GINS2: variants seen among roughly 807,000 people sequenced by gnomAD.
GINS2 encodes DNA replication complex GINS protein PSF2.
In GINS2, 23 loss-of-function variants were observed where a neutral mutation model predicts 21.2. That is an observed-to-expected ratio of 1.08 (90% CI 0.78 to 1.53). The LOEUF is 1.53. Ranked by LOEUF, GINS2 falls within the 40% of genes most tolerant of loss-of-function variation. The probability of loss-of-function intolerance (pLI) is 0.00; values close to 1 mark genes in which losing one functional copy is unlikely to be tolerated. For missense variants in GINS2, 323 were observed against 233.9 expected (o/e 1.38, Z -2.49); for synonymous variants, 118 against 85.6 (o/e 1.38, Z -2.09).
chr16:85,678,201 C>T lies in GINS2; in HGVS notation c.*11G>A. 1 of 1,612,418 alleles carries T rather than the reference C, an allele frequency of 6.2e-7. No individual in the cohort carries two copies. The highest frequency in any genetic ancestry group is 8.5e-7 in the Non-Finnish European group (1 of 1,179,656). ...ACATCCCCCAGCAAGCCGCCTGCAC[C>T]AGGCCTTTCTCTAGAAGTCCTGAGA... On this transcript the variant is annotated 3_prime_UTR_variant, in exon 5 of 5. Coordinates refer to ENST00000253462, the MANE Select transcript of GINS2 (RefSeq NM_016095.3).
chr16:85,687,152 T>G (rs966650755), intron 2 of GINS2, among the ~76,000 whole-genome samples: 48 of 152,126 alleles, frequency 3.2e-4, no homozygotes, highest in African/African-American at 1.2e-3. Flanking sequence ...ACCCAGGAGG[T>G]GAAGGCTGCA....
chr16:85,684,515 G>A (rs978159891), intron 2 of GINS2, among the ~76,000 whole-genome samples: 2 of 151,934 alleles, frequency 1.3e-5, no homozygotes, highest in Admixed American at 6.6e-5. Context: ...TAAATTTTTT[G>A]TTAAAGCCAA....
At chr16:85,682,652 T>C (rs1252859192) in intron 2 of GINS2, among the ~76,000 whole-genome samples, 1 of 152,074 alleles carries the variant, frequency 6.6e-6, no homozygotes, top group African/African-American at 2.4e-5. Context: ...AGGCATGACA[T>C]CCTAGAGGGG....
intron 2 of GINS2, among the ~76,000 whole-genome samples, chr16:85,684,975 G>C (rs1016248189): frequency 6.6e-6 from 1 of 152,042 alleles, no homozygotes; most frequent in African/African-American, 2.4e-5. Context: ...TTTTAGTAGA[G>C]ACAGGGTTTC....
intron 3 of GINS2, 140 bp from the exon 4 acceptor site, chr16:85,678,806 G>C: frequency 1.2e-6 from 1 of 806,164 alleles, no homozygotes; most frequent in South Asian, 1.7e-5. Flanking sequence ...CAACTTTAGG[G>C]TGTAAAGATT....
intron 3 of GINS2, among the ~76,000 whole-genome samples, chr16:85,680,353 G>A (rs2053721123): frequency 6.6e-6 from 1 of 152,186 alleles, no homozygotes; most frequent in Non-Finnish European, 1.5e-5. Flanking sequence ...CTGCTGCTCT[G>A]CAGCATGCAG....
Position 85,678,588 on chromosome 16 carries a change from G to A in GINS2, c.384C>T (p.Leu128=), listed in dbSNP as rs753987235. The A allele has an allele frequency of 6.2e-7, 1 of 1,613,868 alleles. No individual in the cohort carries two copies. Among genetic ancestry groups the A allele is most frequent in the Non-Finnish European group, 8.5e-7 (1 of 1,179,840 alleles). ...TCACAAAGCTGTCAGCAGACACTCGGAGTTTGGCTATACGAGTGTCCCACA... is the reference window on the plus strand; with the variant it reads ...TCACAAAGCTGTCAGCAGACACTCGAAGTTTGGCTATACGAGTGTCCCACA... The part of the protein sequence containing the change: ...KDMWDTRIAK[L]RVSADSFVRQ... The change falls in exon 4 of 5, where the codon CTC becomes CTT. Residue 128 remains leucine (L), a synonymous_variant. Coordinates refer to ENST00000253462, the MANE Select transcript of GINS2 (RefSeq NM_016095.3).
At position 85,687,488 on chromosome 16, in the gene GINS2, G is replaced by A. The variant is rs1028997532; in HGVS notation, c.177C>T (p.Arg59=). 8 of 1,589,372 alleles carry A rather than the reference G, an allele frequency of 5.0e-6. No individual in the cohort carries two copies. The highest frequency in any genetic ancestry group is 6.8e-6 in the Non-Finnish European group (8 of 1,169,752). Residue 59 remains arginine (R), a synonymous_variant, in exon 2 of 5, where the codon CGC becomes CGT. Transcript: ENST00000253462. The part of the protein sequence containing the change: ...AINLKQRQKC[R]LLPPEWMDVE... ...CATCCATCCACTCTGGAGGGAGCAG[G>A]CGACATTTCTGTCTTTGTTTCAGGT... is the stretch of plus-strand genomic sequence containing the variant.
chr16:85,678,146 C>G lies in GINS2; in HGVS notation c.*66G>C, dbSNP rs1232575930. On this transcript the variant is annotated 3_prime_UTR_variant, in exon 5 of 5. Transcript: ENST00000253462. The stretch of plus-strand genomic sequence containing the variant: ...AGAAGTGTTTCTAGAGCTCCAGAAC[C>G]ACGAGTACCTCATCACGTCCTGAGC... 6.8e-7 allele frequency: 1 copy of G among 1,472,640 alleles called. No individual in the cohort carries two copies. The highest frequency in any genetic ancestry group is 9.4e-7 in the Non-Finnish European group (1 of 1,066,468). 91.2% of individuals were successfully genotyped at this position (1,472,640 alleles called of 1,614,324 possible).
intron 2 of GINS2, among the ~76,000 whole-genome samples, chr16:85,687,041 G>A (rs538069755): frequency 1.3e-5 from 2 of 152,182 alleles, no homozygotes; most frequent in Admixed American, 1.3e-4. Context: ...GGGCAGCATG[G>A]CAAGACCCCA....
chr16:85,678,795 T>C (rs2053708422), intron 3 of GINS2, 129 bp from the exon 4 acceptor site: 1 of 884,096 alleles, frequency 1.1e-6, no homozygotes, highest in African/African-American at 1.7e-5. Context: ...TGCTTTATTT[T>C]CAACTTTAGG....
At chr16:85,688,684 G>A (rs181663633) in intron 1 of GINS2, 125 bp downstream of exon 1, 2 of 456,572 alleles carry the variant, frequency 4.4e-6, no homozygotes, top group Admixed American at 8.5e-5. Flanking sequence ...CGAGTCAAGC[G>A]CCGAGTGGTG....
chr16:85,687,153 G>A (rs184875957), intron 2 of GINS2, among the ~76,000 whole-genome samples: 143 of 152,348 alleles, frequency 9.4e-4, no homozygotes, highest in African/African-American at 3.4e-3. Context: ...CCCAGGAGGT[G>A]AAGGCTGCAT....
At chr16:85,681,056 G>A (rs934547675) in intron 3 of GINS2, among the ~76,000 whole-genome samples, 2 of 152,234 alleles carry the variant, frequency 1.3e-5, no homozygotes, top group East Asian at 1.9e-4. Flanking sequence ...ACAAGCTACG[G>A]AGTTACTACA....
chr16:85,688,478 G>C lies in GINS2; in HGVS notation c.90+331C>G, dbSNP rs571561467. ...GGAGAATCGCTTGAACCCGGGAGGC[G>C]GAGGCTGCAGTGAGCCGAGACGGCA... On this transcript the variant is annotated intron_variant, in intron 1 of 4. Transcript: ENST00000253462. Among the ~76,000 whole-genome samples the C allele has an allele frequency of 2.4e-4, 36 of 152,284 alleles. 2 individuals carry two copies. Among genetic ancestry groups the C allele is most frequent in the Middle Eastern group, 3.4e-3 (1 of 294 alleles).
chr16:85,678,741 T>G, intron 3 of GINS2, 75 bp from the exon 4 acceptor site: 1 of 1,399,816 alleles, frequency 7.1e-7, no homozygotes. Flanking sequence ...GTGGCTCTTT[T>G]CAGGCAAAAT....
intron 3 of GINS2, among the ~76,000 whole-genome samples, chr16:85,681,019 G>A (rs1403177851): frequency 6.6e-6 from 1 of 152,226 alleles, no homozygotes; most frequent in African/African-American, 2.4e-5. Flanking sequence ...ATGGAAAGCT[G>A]AGCGGAGCCA....
intron 1 of GINS2, 122 bp downstream of exon 1, chr16:85,688,687 G>A (rs1357686831): frequency 6.5e-6 from 3 of 460,658 alleles, no homozygotes; most frequent in Non-Finnish European, 1.1e-5. Flanking sequence ...GTCAAGCGCC[G>A]AGTGGTGGCC....
chr16:85,687,386 C>T (rs189764547), intron 2 of GINS2, 74 bp downstream of exon 2: 5 of 803,574 alleles, frequency 6.2e-6, no homozygotes, highest in Non-Finnish European at 9.8e-6. Flanking sequence ...CCCCATGCCT[C>T]CACCCCGTGG....
Sources: allele counts gnomAD v4.1 joint callset (sites outside exome capture counted in the v4.1 genomes callset), GRCh38; gene constraint gnomAD v4.1.1; transcripts MANE v1.5; gene names NCBI Gene and HGNC (gene_info 2026-07-23, HGNC 2026-07-21).